Variants in SFMBT2 observed in about 807,000 individuals in gnomAD.
SFMBT2 encodes the protein Scm like with four mbt domains 2, also known as scm-like with four MBT domains protein 2.
SFMBT2 carries 38 observed loss-of-function variants against 110.1 expected under a neutral mutation model. That is an observed-to-expected ratio of 0.35 (90% CI 0.27 to 0.45). The LOEUF is 0.45. SFMBT2 is among the 20% of genes least tolerant of loss of function. The pLI is 1.00. For synonymous variants in SFMBT2, 425 were observed against 425.4 expected (o/e 1.00, Z 0.01); for missense variants, 1,011 against 1,094.9 (o/e 0.92, Z 1.08).
At chr10:7,306,251 C>A (rs1179615422) in intron 4 of SFMBT2, among the ~76,000 whole-genome samples, 1 of 152,200 alleles carries the variant, frequency 6.6e-6, no homozygotes, top group African/African-American at 2.4e-5. Flanking sequence ...GGCTTTCAGG[C>A]CAAACTCCAC....
chr10:7,167,391 T>A (rs1837725553), intron 20 of SFMBT2, among the ~76,000 whole-genome samples: 1 of 152,136 alleles, frequency 6.6e-6, no homozygotes, highest in South Asian at 2.1e-4. Context: ...GCCATAACAT[T>A]TCAGAAATAA....
chr10:7,315,111 A>C (rs916352004), intron 4 of SFMBT2, among the ~76,000 whole-genome samples: 2 of 130,424 alleles, frequency 1.5e-5, no homozygotes, highest in African/African-American at 2.7e-5. Flanking sequence ...AAAGAAAGAA[A>C]AAGCAAGCAA....
chr10:7,293,404 A>AT lies in SFMBT2; in HGVS notation c.437-7451dup, dbSNP rs532526512. 1.8e-4 allele frequency among the ~76,000 whole-genome samples: 27 copies of AT among 150,976 alleles called. No homozygotes were observed. Among genetic ancestry groups the AT allele is most frequent in the Admixed American group, 2.6e-4 (4 of 15,148 alleles). The stretch of plus-strand genomic sequence containing the variant: ...GTGAGCCACTGTGCCTGGTCAAAGT[A>AT]TTTTTTTTTAATGTGAAGGTAAAGC... On this transcript the variant is annotated intron_variant, in intron 4 of 20. Coordinates refer to ENST00000397167, the MANE Select transcript of SFMBT2 (RefSeq NM_001387889.1). The surrounding 1 kb of genome is among the most constrained non-coding windows in gnomAD (Gnocchi z 4.6).
chr10:7,362,570 C>T (rs1169203168), intron 4 of SFMBT2, among the ~76,000 whole-genome samples: 1 of 152,214 alleles, frequency 6.6e-6, no homozygotes. Context: ...AGCTCTGCAA[C>T]CTCCATCTGA....
At chr10:7,199,198 C>T (rs1224955258) in intron 14 of SFMBT2, among the ~76,000 whole-genome samples, 2 of 152,112 alleles carry the variant, frequency 1.3e-5, no homozygotes, top group Admixed American at 6.5e-5. Flanking sequence ...AGGCTGGCCT[C>T]GAACTCCTGA....
intron 10 of SFMBT2, among the ~76,000 whole-genome samples, chr10:7,224,703 C>A (rs1359013784): frequency 6.6e-6 from 1 of 152,122 alleles, no homozygotes; most frequent in Non-Finnish European, 1.5e-5. Flanking sequence ...TATGAGCTTA[C>A]TCAGCCAATA....
At chr10:7,336,034 G>A (rs911078836) in intron 4 of SFMBT2, among the ~76,000 whole-genome samples, 2 of 152,160 alleles carry the variant, frequency 1.3e-5, no homozygotes, top group African/African-American at 4.8e-5. Context: ...CAAAGTATCA[G>A]GCAGCACAGA....
intron 4 of SFMBT2, among the ~76,000 whole-genome samples, chr10:7,294,942 C>T (rs1423427996): frequency 6.6e-6 from 1 of 152,170 alleles, no homozygotes; most frequent in Non-Finnish European, 1.5e-5. Context: ...TTCACATCCC[C>T]TGTATACATT....
At chr10:7,320,992 C>T (rs984856886) in intron 4 of SFMBT2, among the ~76,000 whole-genome samples, 29 of 152,304 alleles carry the variant, frequency 1.9e-4, no homozygotes, top group Admixed American at 1.5e-3. Flanking sequence ...GGCTGCTTTT[C>T]TCCATGTTGA....
At chr10:7,313,233 C>T (rs1275112661) in intron 4 of SFMBT2, among the ~76,000 whole-genome samples, 1 of 150,922 alleles carries the variant, frequency 6.6e-6, no homozygotes, top group East Asian at 1.9e-4. Flanking sequence ...AAATATAATA[C>T]AATTGTTCTC....
At chr10:7,393,035 A>G (rs1449493410) in intron 1 of SFMBT2, among the ~76,000 whole-genome samples, 5 of 20,338 alleles carry the variant, frequency 2.5e-4, no homozygotes, top group African/African-American at 9.4e-4. Flanking sequence ...ATATATATAT[A>G]ATTTTTTTTT....
chr10:7,281,691 C>T (rs947686504), intron 6 of SFMBT2, among the ~76,000 whole-genome samples: 1 of 152,176 alleles, frequency 6.6e-6, no homozygotes, highest in Admixed American at 6.5e-5. Flanking sequence ...AATCCAGTTT[C>T]CATCTTGAAA....
In SFMBT2 at chr10:7,183,243, T is replaced by C. The variant is rs552595526; in HGVS notation, c.1808+5381A>G. ...CCAGGAAGGAGAGCTTTCATCTCAGTCCTCAGATAGACCTTGCCATCCCAG... is the reference window on the plus strand; with the variant it reads ...CCAGGAAGGAGAGCTTTCATCTCAGCCCTCAGATAGACCTTGCCATCCCAG... On this transcript the variant is annotated intron_variant, in intron 16 of 20. Transcript: ENST00000397167. 7.9e-5 allele frequency among the ~76,000 whole-genome samples: 12 copies of C among 152,242 alleles called. No individual in the cohort carries two copies. The South Asian group carries it at 2.3e-3, about 29-fold the overall frequency.
At chr10:7,357,420 G>A (rs12784471) in intron 4 of SFMBT2, among the ~76,000 whole-genome samples, 2,045 of 152,182 alleles carry the variant, frequency 0.013, 14 homozygotes, top group Middle Eastern at 0.027. Context: ...TAGATTGAAA[G>A]GCTGACCTCC....
rs149228469 is a variant in SFMBT2 at position 7,203,767 on chromosome 10, G to A, written c.1445-1245C>T. ...GTATCGCTCTGTCACCCAGGCTGGA[G>A]TGCAGTGGCATGATCTCAGTTCACT... On this transcript the variant is annotated intron_variant, in intron 12 of 20. Coordinates refer to ENST00000397167, the MANE Select transcript of SFMBT2 (RefSeq NM_001387889.1). The A allele has an allele frequency of 1.3e-4, 77 of 573,584 alleles. 1 individual carries two copies. Among genetic ancestry groups the A allele is most frequent in the African/African-American group, 1.0e-3 (51 of 49,476 alleles). 35.5% of individuals were successfully genotyped at this position (573,584 alleles called of 1,614,324 possible). A position where few individuals can be genotyped will look rare whatever the true frequency, so the allele number is the denominator to read the frequency against.
intron 14 of SFMBT2, 54 bp downstream of exon 14, chr10:7,200,357 TCTG>T: frequency 7.3e-7 from 1 of 1,372,352 alleles, no homozygotes; most frequent in Non-Finnish European, 9.8e-7. Flanking sequence ...TATACATGTC[TCTG>T]CTCCCGGCTG....
At chr10:7,188,220 G>C (rs80250572) in intron 16 of SFMBT2, among the ~76,000 whole-genome samples, 2 of 152,198 alleles carry the variant, frequency 1.3e-5, no homozygotes, top group African/African-American at 4.8e-5. Context: ...TGCCAGAAAA[G>C]AGAGCATTTG....
At chr10:7,232,013 G>C (rs1017891659) in intron 9 of SFMBT2, among the ~76,000 whole-genome samples, 1 of 152,220 alleles carries the variant, frequency 6.6e-6, no homozygotes, top group African/African-American at 2.4e-5. Flanking sequence ...AACCTGGAGG[G>C]AGGGAGGAAA....
chr10:7,408,207 G>T lies in SFMBT2; in HGVS notation c.-52+2654C>A, dbSNP rs1846271764. Among the ~76,000 whole-genome samples, 1 of 152,236 alleles carries T rather than the reference G, an allele frequency of 6.6e-6. No homozygotes were observed. Among genetic ancestry groups the T allele is most frequent in the Admixed American group, 6.5e-5 (1 of 15,294 alleles). On this transcript the variant is annotated intron_variant, in intron 1 of 20. Coordinates refer to ENST00000397167, the MANE Select transcript of SFMBT2 (RefSeq NM_001387889.1). This position sits in a 1 kb window ranked among gnomAD's most constrained non-coding sequence, Gnocchi z 5.7. ...ATTTTAGGCTGCTCCCCACCTCGCG[G>T]GGCCCATGGGAAAGCCGGCCCCGGG... is the stretch of plus-strand genomic sequence containing the variant.
Sources: gnomAD v4.1 joint callset for allele counts (sites outside exome capture counted in the v4.1 genomes callset) on GRCh38, gnomAD v4.1.1 for gene constraint, Gnocchi (gnomAD v3.1) non-coding constraint, MANE v1.5 for transcripts, NCBI Gene and HGNC (gene_info 2026-07-23, HGNC 2026-07-21) for gene names.